Variants in TRADD observed in about 807,000 individuals in gnomAD.
The protein encoded by TRADD is tumor necrosis factor receptor type 1-associated DEATH domain protein.
In TRADD, 14 loss-of-function variants were observed where a neutral mutation model predicts 31.5. That is an observed-to-expected ratio of 0.44 (90% CI 0.29 to 0.69). TRADD has a LOEUF of 0.69. Ranked by LOEUF, TRADD falls within the 30% of genes least tolerant of loss-of-function variation. TRADD has a pLI of 0.11. For missense variants in TRADD, 388 were observed against 435.7 expected, an observed-to-expected ratio of 0.89 and a Z score of 0.97; for synonymous variants, 220 against 215.8, an observed-to-expected ratio of 1.02 and a Z score of -0.17.
rs760793792 is a variant in TRADD at position 67,155,081 on chromosome 16, C to A, written c.628+15G>T. The stretch of plus-strand genomic sequence containing the variant: ...CCAACCTCCTGGTGACCCCGCCTCT[C>A]CACCTGCGCCTCACCTACAGGCTGA... On this transcript the variant is annotated intron_variant, in intron 4 of 4. Transcript: ENST00000345057. 1.3e-6 allele frequency: 2 copies of A among 1,543,942 alleles called. No individual in the cohort carries two copies. The highest frequency in any genetic ancestry group is 2.4e-5 in the South Asian group (2 of 84,218).
Position 67,155,559 on chromosome 16 carries a change from A to G in TRADD, c.247T>C (p.Cys83Arg). The change falls in exon 3 of 5, where the codon TGT becomes CGT. Residue 83 changes from cysteine to arginine, a missense_variant. Physicochemically the swap from Cys to Arg is radical, Grantham distance 180. Transcript: ENST00000345057. The part of the protein sequence containing the change: ...VQLRFCGRQP[C>R]GRFLRAYREG... ...CGGTAGGCGCGGAGGAAGCGGCCAC[A>G]GGGCTGCCGCCCGCAGAATCGCAGC... 1 of 1,526,022 alleles carries G rather than the reference A, an allele frequency of 6.6e-7. No homozygotes were observed. The highest frequency in any genetic ancestry group is 8.7e-7 in the Non-Finnish European group (1 of 1,144,078). 94.5% of individuals were successfully genotyped at this position (1,526,022 alleles called of 1,614,324 possible).
chr16:67,156,313 A>C lies in TRADD; in HGVS notation c.151+197T>G. The C allele has an allele frequency of 8.8e-7, 1 of 1,139,926 alleles. No homozygotes were observed. The highest frequency in any genetic ancestry group is 1.2e-6 in the Non-Finnish European group (1 of 807,912). The allele number at this position is 1,139,926 out of a possible 1,614,324, so 70.6% of individuals were successfully genotyped here. A position where few individuals can be genotyped will look rare whatever the true frequency, so the allele number is the denominator to read the frequency against. On this transcript the variant is annotated intron_variant, in intron 2 of 4. Coordinates refer to ENST00000345057, the MANE Select transcript of TRADD (RefSeq NM_003789.4). This position sits in a 1 kb window ranked among gnomAD's most constrained non-coding sequence, Gnocchi z 4.6. ...AAGGACGTTAGTGCACAAATTGGTA[A>C]ATCATACACAGACTCGAGAACACAC...
Position 67,156,182 on chromosome 16 carries a change from G to T in TRADD, c.151+328C>A. ...CCTGGAAGGGTAGGTACTGGGGAGG[G>T]GTCTTGAGCAAGGAGTGCTGCAGTA... On this transcript the variant is annotated intron_variant, in intron 2 of 4. Coordinates refer to ENST00000345057, the MANE Select transcript of TRADD (RefSeq NM_003789.4). This position sits in a 1 kb window ranked among gnomAD's most constrained non-coding sequence, Gnocchi z 4.6. 1 of 1,401,754 alleles carries T rather than the reference G, an allele frequency of 7.1e-7. No individual in the cohort carries two copies. Among genetic ancestry groups the T allele is most frequent in the Middle Eastern group, 1.9e-4 (1 of 5,334 alleles). 86.8% of individuals were successfully genotyped at this position (1,401,754 alleles called of 1,614,324 possible). A position where few individuals can be genotyped will look rare whatever the true frequency, so the allele number is the denominator to read the frequency against.
In TRADD at chr16:67,155,417, G is replaced by C. The variant is rs547124793; in HGVS notation, c.389C>G (p.Ala130Gly). ...GCAACTCAAACAGCGCTCCTCGTCC[G>C]CCAGCAAAGCGTCCAGCCGCTCGGC... ...AGAERLDALL[A>G]DEERCLSCIL... Residue 130 changes from alanine to glycine, a missense_variant, in exon 3 of 5, where the codon GCG (alanine) becomes GGG (glycine). By Grantham distance (60) the Ala-to-Gly change is moderately conservative. Coordinates refer to ENST00000345057, the MANE Select transcript of TRADD (RefSeq NM_003789.4). The C allele has an allele frequency of 9.3e-5, 148 of 1,597,578 alleles. No homozygotes were observed. The highest frequency in any genetic ancestry group is 1.2e-4 in the Non-Finnish European group (146 of 1,179,466).
rs751300819 is a variant in TRADD, at chr16:67,155,161, G to A, written c.563C>T (p.Ser188Leu). ...APLQPPVPSLSEVKPPPPPPP... is the reference protein window; with the variant it reads ...APLQPPVPSLLEVKPPPPPPP... The stretch of plus-strand genomic sequence containing the variant: ...CGGCGGCGGCGGCGGCTTCACCTCC[G>A]ACAGAGAGGGCACCGGGGGCTGCAA... Residue 188 changes from serine (S) to leucine (L), a missense_variant, in exon 4 of 5, where the codon TCG becomes TTG. Transcript: ENST00000345057. 1.3e-6 allele frequency: 2 copies of A among 1,555,096 alleles called. No homozygotes were observed. Among genetic ancestry groups the A allele is most frequent in the Non-Finnish European group, 1.7e-6 (2 of 1,153,462 alleles).
Position 67,156,180 on chromosome 16 carries a change from G to A in TRADD, c.151+330C>T. 1 of 1,400,108 alleles carries A rather than the reference G, an allele frequency of 7.1e-7. No homozygotes were observed. Among genetic ancestry groups the A allele is most frequent in the Non-Finnish European group, 9.4e-7 (1 of 1,060,674 alleles). The allele number at this position is 1,400,108 out of a possible 1,614,324, so 86.7% of individuals were successfully genotyped here. A position where few individuals can be genotyped will look rare whatever the true frequency, so the allele number is the denominator to read the frequency against. ...GGCCTGGAAGGGTAGGTACTGGGGA[G>A]GGGTCTTGAGCAAGGAGTGCTGCAG... On this transcript the variant is annotated intron_variant, in intron 2 of 4. Coordinates refer to ENST00000345057, the MANE Select transcript of TRADD (RefSeq NM_003789.4). The surrounding 1 kb of genome is among the most constrained non-coding windows in gnomAD (Gnocchi z 4.6).
Position 67,155,275 on chromosome 16 carries a change from T to C in TRADD, c.449A>G (p.Glu150Gly), listed in dbSNP as rs2030635693. The C allele has an allele frequency of 6.2e-7, 1 of 1,610,400 alleles. No individual in the cohort carries two copies. The highest frequency in any genetic ancestry group is 1.3e-5 in the African/African-American group (1 of 74,906). Reference protein sequence around the residue: ...LAQQPDRLRDEELAELEDALR... With the variant: ...LAQQPDRLRDGELAELEDALR... Reference sequence around the variant, plus strand: ...CGCATCCTCCAGCTCAGCCAGTTCTTCATCCCGGAGCCGGTCGGGCTAGGG... The same window carrying C: ...CGCATCCTCCAGCTCAGCCAGTTCTCCATCCCGGAGCCGGTCGGGCTAGGG... The change falls in exon 4 of 5, where the codon GAA (glutamate) becomes GGA (glycine). Residue 150 changes from glutamate (E) to glycine (G), a missense_variant. Transcript: ENST00000345057.
chr16:67,156,691 A>C lies in TRADD; in HGVS notation c.-8-23T>G, dbSNP rs371360077. The C allele has an allele frequency of 1.5e-4, 246 of 1,612,448 alleles. No individual in the cohort carries two copies. The highest frequency in any genetic ancestry group is 9.2e-4 in the Admixed American group (55 of 60,010). ...CTCCTGGAGATGCAGACAGTCAGGTATCCAGTTCATCCCCCCTCCCTCCAC... is the reference window on the plus strand; with the variant it reads ...CTCCTGGAGATGCAGACAGTCAGGTCTCCAGTTCATCCCCCCTCCCTCCAC... On this transcript the variant is annotated intron_variant, in intron 1 of 4. Coordinates refer to ENST00000345057, the MANE Select transcript of TRADD (RefSeq NM_003789.4). This position sits in a 1 kb window ranked among gnomAD's most constrained non-coding sequence, Gnocchi z 4.6.
chr16:67,156,577 C>T lies in TRADD; in HGVS notation c.84G>A (p.Leu28=). Residue 28 remains leucine, a synonymous_variant, in exon 2 of 5, where the codon CTG becomes CTA. Transcript: ENST00000345057. This position sits in a 1 kb window ranked among gnomAD's most constrained non-coding sequence, Gnocchi z 4.6. ...GCTGGGGGTGCGCGTAGGCATCCGACAGGACCACCTTGTCCAGCGAGGACT... is the reference window on the plus strand; with the variant it reads ...GCTGGGGGTGCGCGTAGGCATCCGATAGGACCACCTTGTCCAGCGAGGACT... The part of the protein sequence containing the change: ...FVESSLDKVV[L]SDAYAHPQQK... 6 of 1,614,106 alleles carry T rather than the reference C, an allele frequency of 3.7e-6. No individual in the cohort carries two copies. Among genetic ancestry groups the T allele is most frequent in the East Asian group, 2.2e-5 (1 of 44,878 alleles).
chr16:67,154,527 C>T lies in TRADD; in HGVS notation c.*122G>A, dbSNP rs2030579055. The T allele has an allele frequency of 4.0e-6, 5 of 1,238,478 alleles. No homozygotes were observed. The highest frequency in any genetic ancestry group is 5.7e-6 in the Non-Finnish European group (5 of 881,432). 76.7% of individuals were successfully genotyped at this position (1,238,478 alleles called of 1,614,324 possible). A position where few individuals can be genotyped will look rare whatever the true frequency, so the allele number is the denominator to read the frequency against. On this transcript the variant is annotated 3_prime_UTR_variant, in exon 5 of 5. Coordinates refer to ENST00000345057, the MANE Select transcript of TRADD (RefSeq NM_003789.4). This position sits in a 1 kb window ranked among gnomAD's most constrained non-coding sequence, Gnocchi z 5.2. Reference sequence around the variant, plus strand: ...GGGAAGGCAATCAACTCTGCCCCAGCAGGTCCAGCAGATAGGCCAAGTGGA... The same window carrying T: ...GGGAAGGCAATCAACTCTGCCCCAGTAGGTCCAGCAGATAGGCCAAGTGGA...
intron 1 of TRADD, among the ~76,000 whole-genome samples, chr16:67,158,044 AG>A (rs370383282): frequency 6.6e-6 from 1 of 152,236 alleles, no homozygotes; most frequent in African/African-American, 2.4e-5. Flanking sequence ...GCTATGGGGC[AG>A]GACAGATGGG....
In TRADD at chr16:67,158,124, C is replaced by G. The variant is rs13312721; in HGVS notation, c.-8-1456G>C. Among the ~76,000 whole-genome samples, 947 of 152,318 alleles carry G rather than the reference C, an allele frequency of 6.2e-3. 7 individuals carry two copies. The highest frequency in any genetic ancestry group is 0.022 in the African/African-American group (909 of 41,570). On this transcript the variant is annotated intron_variant, in intron 1 of 4. Transcript: ENST00000345057. ...CCTCCTGCCCTGGCCTCCCAAAGTG[C>G]TGCGATTACAGGAGTAAGGCACTAC... is the stretch of plus-strand genomic sequence containing the variant.
chr16:67,158,531 C>A (rs2030783037), intron 1 of TRADD, among the ~76,000 whole-genome samples: 1 of 147,450 alleles, frequency 6.8e-6, no homozygotes, highest in Admixed American at 6.8e-5. Flanking sequence ...TGGATAGTAA[C>A]AGGAAGTTTG....
rs938879137 is a variant in TRADD at position 67,155,602 on chromosome 16, G to T, written c.204C>A (p.Asp68Glu). 111 of 1,553,324 alleles carry T rather than the reference G, an allele frequency of 7.1e-5. No individual in the cohort carries two copies. The highest frequency in any genetic ancestry group is 9.3e-5 in the Non-Finnish European group (108 of 1,156,754). The change falls in exon 3 of 5, where the codon GAC (aspartate) becomes GAA (glutamate). Residue 68 changes from aspartate to glutamate, a missense_variant. Asp to Glu is a conservative substitution (Grantham distance 45). Coordinates refer to ENST00000345057, the MANE Select transcript of TRADD (RefSeq NM_003789.4). ...VLQMLKIHRS[D>E]PQLIVQLRFC... ...ATCGCAGCTGCACGATCAGCTGCGGGTCGCTGCGGTGGATCTTCAGCATCT... is the reference window on the plus strand; with the variant it reads ...ATCGCAGCTGCACGATCAGCTGCGGTTCGCTGCGGTGGATCTTCAGCATCT...
chr16:67,155,742 G>A, intron 2 of TRADD, 88 bp from the exon 3 acceptor site: 1 of 1,483,852 alleles, frequency 6.7e-7, no homozygotes. Flanking sequence ...CCGTGGTGAA[G>A]CCCCGCGTCC....
intron 3 of TRADD, 28 bp from the exon 4 acceptor site, chr16:67,155,322 G>T (rs374416084): frequency 5.3e-5 from 85 of 1,608,690 alleles, no homozygotes; most frequent in Non-Finnish European, 7.0e-5. Context: ...GCCGTCACGG[G>T]GGACTTAACC....
Position 67,155,100 on chromosome 16 carries a change from A to T in TRADD, c.624T>A (p.Pro208=). The part of the protein sequence containing the change: ...PAQTFLFQGQ[P]VVNRPLSLKD... ...GCCTCTCCACCTGCGCCTCACCTAC[A>T]GGCTGACCCTGGAACAGAAAAGTCT... is the stretch of plus-strand genomic sequence containing the variant. The change falls in exon 4 of 5, where the codon CCT becomes CCA. Residue 208 remains proline (P), a synonymous_variant. Coordinates refer to ENST00000345057, the MANE Select transcript of TRADD (RefSeq NM_003789.4). The T allele has an allele frequency of 9.7e-6, 15 of 1,542,980 alleles. No homozygotes were observed. The highest frequency in any genetic ancestry group is 1.1e-5 in the Non-Finnish European group (13 of 1,147,444).
At chr16:67,158,296 G>A (rs1419442372) in intron 1 of TRADD, among the ~76,000 whole-genome samples, 3 of 152,188 alleles carry the variant, frequency 2.0e-5, no homozygotes, top group Non-Finnish European at 2.9e-5. Context: ...CTTTCAAGTA[G>A]CTGGGACTTT....
rs375244176 is a variant in TRADD at position 67,154,753 on chromosome 16, G to A, written c.835C>T (p.Arg279Cys). ...LRRFVQAEGR[R>C]ATLQRLVEAL... ...TCCACCAGGCGCTGCAGCGTGGCGCGGCGGCCCTCGGCCTGCACGAAGCGC... is the reference window on the plus strand; with the variant it reads ...TCCACCAGGCGCTGCAGCGTGGCGCAGCGGCCCTCGGCCTGCACGAAGCGC... The change falls in exon 5 of 5, where the codon CGC becomes TGC. Residue 279 changes from arginine to cysteine, a missense_variant. Physicochemically the swap from Arg to Cys is radical, Grantham distance 180. Transcript: ENST00000345057. This position sits in a 1 kb window ranked among gnomAD's most constrained non-coding sequence, Gnocchi z 5.2. 5 of 1,607,338 alleles carry A rather than the reference G, an allele frequency of 3.1e-6. No homozygotes were observed. In the African/African-American group the frequency reaches 6.7e-5, roughly 21 times the overall value.
Sources: allele counts gnomAD v4.1 joint callset (sites outside exome capture counted in the v4.1 genomes callset), GRCh38; gene constraint gnomAD v4.1.1; non-coding constraint Gnocchi (gnomAD v3.1); transcripts MANE v1.5; gene names NCBI Gene and HGNC (gene_info 2026-07-23, HGNC 2026-07-21).